TMPO: variants seen among roughly 807,000 people sequenced by gnomAD.
TMPO encodes the protein LEM domain containing 4.
A neutral mutation model predicts 45.4 loss-of-function variants in TMPO; 22 were observed. That is an observed-to-expected ratio of 0.48 (90% CI 0.35 to 0.69). The LOEUF (loss-of-function observed/expected upper bound fraction) is 0.69. Ranked by LOEUF, TMPO falls within the 30% of genes least tolerant of loss-of-function variation. The probability of loss-of-function intolerance (pLI) is 0.01; values close to 1 mark genes in which losing one functional copy is unlikely to be tolerated. For missense variants in TMPO, 512 were observed against 548.8 expected, an observed-to-expected ratio of 0.93 and a Z score of 0.67; for synonymous variants, 241 against 204.1, an observed-to-expected ratio of 1.18 and a Z score of -1.54.
At position 98,544,452 on chromosome 12, in the gene TMPO, C is replaced by T. The variant is rs1287582890; in HGVS notation, c.794C>T (p.Ser265Leu). ...RRTPRKRVET[S>L]EHFRIDGPVI... ...TTTTCAAACTAACAGGTGGAAACTT[C>T]AGAACATTTTCGTATAGATGGTCCA... is the stretch of plus-strand genomic sequence containing the variant. Residue 265 changes from serine to leucine, a missense_variant, in exon 6 of 9, where the codon TCA becomes TTA. Physicochemically the swap from Ser to Leu is moderately radical, Grantham distance 145. This residue lies in a region of TMPO where 209 missense variants were observed against 235.1 expected (regional missense o/e 0.89). Transcript: ENST00000556029. 1 of 1,613,674 alleles carries T rather than the reference C, an allele frequency of 6.2e-7. No homozygotes were observed. Among genetic ancestry groups the T allele is most frequent in the African/African-American group, 1.3e-5 (1 of 74,894 alleles).
chr12:98,537,126 A>G (rs1877623851), intron 3 of TMPO, among the ~76,000 whole-genome samples: 1 of 152,168 alleles, frequency 6.6e-6, no homozygotes, highest in Non-Finnish European at 1.5e-5. Context: ...GTTATTTTAA[A>G]TGGCCTTTTT....
In TMPO at chr12:98,537,562, A is replaced by G; in HGVS notation, c.653A>G (p.Glu218Gly). The G allele has an allele frequency of 6.2e-7, 1 of 1,612,246 alleles. No homozygotes were observed. The highest frequency in any genetic ancestry group is 1.1e-5 in the South Asian group (1 of 90,906). Residue 218 changes from glutamate to glycine, a missense_variant, in exon 4 of 9, where the codon GAG becomes GGG. Around this residue, in one of 3 missense-constraint regions of TMPO, gnomAD observed 299 missense variants for 296.7 expected, o/e 1.01. Coordinates refer to ENST00000556029, the MANE Select transcript of TMPO (RefSeq NM_001032283.3). ...GTAACACTCAAGCAAAGAAGAGTTG[A>G]GCACAATCAGGTATCTTTAGTTTTA... ...TPVTLKQRRV[E>G]HNQSYSQAGI... is the part of the protein sequence containing the mutation.
In TMPO at chr12:98,534,336, A is replaced by G. The variant is rs1017953194; in HGVS notation, c.565+2498A>G. 4 of 1,611,998 alleles carry G rather than the reference A, an allele frequency of 2.5e-6. No homozygotes were observed. The South Asian group carries it at 3.3e-5, about 13-fold the overall frequency. ...AAGTAATTAAAAAGCGTGGAAATAA[A>G]CACTAGTAAAATTAAGGACAAAAAG... is the stretch of plus-strand genomic sequence containing the variant. On this transcript the variant is annotated intron_variant, in intron 3 of 8. Coordinates refer to ENST00000556029, the MANE Select transcript of TMPO (RefSeq NM_001032283.3).
At chr12:98,544,638 GTTTT>G in intron 6 of TMPO, 101 bp downstream of exon 6, 1 of 704,642 alleles carries the variant, frequency 1.4e-6, no homozygotes. Flanking sequence ...AAATTTACAT[GTTTT>G]TTTTTTTTAA....
At chr12:98,528,814 C>T (rs1344773769) in intron 2 of TMPO, among the ~76,000 whole-genome samples, 1 of 151,982 alleles carries the variant, frequency 6.6e-6, no homozygotes, top group Non-Finnish European at 1.5e-5. Flanking sequence ...TTAAAATTAG[C>T]AGGGTGTGGT....
rs1198782983 is a variant in TMPO, at chr12:98,516,096, C to T, written c.229C>T (p.Leu77Phe). Residue 77 changes from leucine (L) to phenylalanine (F), a missense_variant, in exon 1 of 9, where the codon CTC becomes TTC. Leu to Phe is a conservative substitution (Grantham distance 22). Transcript: ENST00000556029. ...CGAAGAGCGCGAGCCCACCCCGGTC[C>T]TCGGCTCTGGGGCCGCCGCCGCGGG... ...SDEEREPTPVLGSGAAAAGRS... is the reference protein window; with the variant it reads ...SDEEREPTPVFGSGAAAAGRS... 7 of 1,579,174 alleles carry T rather than the reference C, an allele frequency of 4.4e-6. No homozygotes were observed. Among genetic ancestry groups the T allele is most frequent in the South Asian group, 1.1e-5 (1 of 88,160 alleles).
chr12:98,540,459 A>G (rs1198458402), intron 4 of TMPO, among the ~76,000 whole-genome samples: 2 of 152,000 alleles, frequency 1.3e-5, no homozygotes, highest in African/African-American at 4.8e-5. Flanking sequence ...GCTCCCCACA[A>G]CCTCTGCCTC....
At chr12:98,540,467 C>T (rs971751862) in intron 4 of TMPO, among the ~76,000 whole-genome samples, 5 of 152,146 alleles carry the variant, frequency 3.3e-5, no homozygotes, top group Admixed American at 3.3e-4. Flanking sequence ...CAACCTCTGC[C>T]TCCCAAGTTC....
At chr12:98,525,795 T>G (rs1592936747) in intron 1 of TMPO, among the ~76,000 whole-genome samples, 1 of 152,282 alleles carries the variant, frequency 6.6e-6, no homozygotes, top group East Asian at 1.9e-4. Context: ...TCAGAACATT[T>G]TTATTGTTAA....
chr12:98,516,706 A>T (rs1420134156), intron 1 of TMPO, among the ~76,000 whole-genome samples: 2 of 152,076 alleles, frequency 1.3e-5, no homozygotes, highest in Non-Finnish European at 2.9e-5. Context: ...GTTTGTTTTA[A>T]TTTTTCCCAG....
chr12:98,519,698 A>G (rs1228778054), intron 1 of TMPO, among the ~76,000 whole-genome samples: 7 of 152,206 alleles, frequency 4.6e-5, no homozygotes, highest in Admixed American at 3.3e-4. Context: ...CAACTTGAAG[A>G]AAAATATTGG....
chr12:98,536,267 A>G (rs1252062592), intron 3 of TMPO, among the ~76,000 whole-genome samples: 2 of 152,336 alleles, frequency 1.3e-5, no homozygotes, highest in South Asian at 2.1e-4. Flanking sequence ...TCAGTAAGAA[A>G]GTAATCTAAC....
At chr12:98,543,293 G>A (rs955072383) in intron 4 of TMPO, among the ~76,000 whole-genome samples, 1 of 152,208 alleles carries the variant, frequency 6.6e-6, no homozygotes, top group South Asian at 2.1e-4. Context: ...TGGATGTTCT[G>A]TAGTTAAAAG....
chr12:98,545,400 ACTTT>A (rs1304089509), intron 7 of TMPO, among the ~76,000 whole-genome samples: 2 of 152,086 alleles, frequency 1.3e-5, no homozygotes, highest in Non-Finnish European at 2.9e-5. Context: ...GGGAGGCTAC[ACTTT>A]CTTTTGTTGA....
Position 98,527,994 on chromosome 12 carries a change from A to C in TMPO, c.388A>C (p.Asn130His). 6.2e-7 allele frequency: 1 copy of C among 1,613,962 alleles called. No homozygotes were observed. Among genetic ancestry groups the C allele is most frequent in the Non-Finnish European group, 8.5e-7 (1 of 1,179,928 alleles). The change falls in exon 2 of 9, where the codon AAT (asparagine) becomes CAT (histidine). Residue 130 changes from asparagine to histidine, a missense_variant. This residue lies in a region of TMPO where 299 missense variants were observed against 296.7 expected (regional missense o/e 1.01). Transcript: ENST00000556029. Reference sequence around the variant, plus strand: ...GGATCAGCTTGTGAAATACGGAGTGAATCCTGGTCCTATTGTGGGTAAGTT... The same window carrying C: ...GGATCAGCTTGTGAAATACGGAGTGCATCCTGGTCCTATTGTGGGTAAGTT... ...LLDQLVKYGVNPGPIVGTTRK... is the reference protein window; with the variant it reads ...LLDQLVKYGVHPGPIVGTTRK...
intron 3 of TMPO, chr12:98,535,164 C>T: frequency 1.0e-6 from 1 of 985,132 alleles, no homozygotes; most frequent in Non-Finnish European, 1.2e-6. Context: ...TGCATGTTCA[C>T]CATCTATTTT....
intron 7 of TMPO, among the ~76,000 whole-genome samples, chr12:98,545,333 C>T (rs545318804): frequency 3.9e-5 from 6 of 152,032 alleles, no homozygotes; most frequent in Non-Finnish European, 8.8e-5. Context: ...TTCTGTTCTG[C>T]TTATAATATG....
chr12:98,547,876 C>G lies in TMPO; in HGVS notation c.*18C>G, dbSNP rs371223654. The G allele has an allele frequency of 6.2e-7, 1 of 1,612,720 alleles. No homozygotes were observed. Among genetic ancestry groups the G allele is most frequent in the South Asian group, 1.1e-5 (1 of 90,658 alleles). ...CCAACTGAATGGTATCTCTTTGGCA[C>G]GTTCAACTTGGTCTCCTATTTTCAA... On this transcript the variant is annotated 3_prime_UTR_variant, in exon 9 of 9. Coordinates refer to ENST00000556029, the MANE Select transcript of TMPO (RefSeq NM_001032283.3).
intron 2 of TMPO, among the ~76,000 whole-genome samples, chr12:98,529,292 G>A (rs1877016568): frequency 6.6e-6 from 1 of 151,948 alleles, no homozygotes; most frequent in Non-Finnish European, 1.5e-5. Flanking sequence ...GACCTCAGGT[G>A]ATCCCACCCA....
Sources: gnomAD v4.1 joint callset for allele counts (sites outside exome capture counted in the v4.1 genomes callset) on GRCh38, gnomAD v4.1.1 for gene constraint, gnomAD v4.1.1 regional missense constraint, MANE v1.5 for transcripts, NCBI Gene and HGNC (gene_info 2026-07-23, HGNC 2026-07-21) for gene names.